ARAP3: variants seen among roughly 807,000 people sequenced by gnomAD.
ARAP3 encodes the protein ArfGAP with RhoGAP domain, ankyrin repeat and PH domain 3.
ARAP3 carries 82 observed loss-of-function variants against 169.2 expected under a neutral mutation model. The ratio of observed to expected loss-of-function variants is 0.48; its 90% CI spans 0.41 to 0.58. ARAP3 has a LOEUF of 0.58. Among genes scored for constraint, ARAP3 ranks in the 20% least tolerant of loss-of-function variants. The pLI is 0.00. For missense variants in ARAP3, 1,764 were observed against 2,018.0 expected, an observed-to-expected ratio of 0.87 and a Z score of 2.41; for synonymous variants, 791 against 800.3, an observed-to-expected ratio of 0.99 and a Z score of 0.20.
chr5:141,670,747 C>T (rs1449162051), intron 13 of ARAP3, 119 bp from the exon 14 acceptor site: 4 of 788,264 alleles, frequency 5.1e-6, no homozygotes, highest in Non-Finnish European at 8.6e-6. Flanking sequence ...CCAGCACAGC[C>T]AAGTAGAGCC....
chr5:141,673,648 T>C lies in ARAP3; in HGVS notation c.859A>G (p.Thr287Ala), dbSNP rs2099911750. ...ASFSFTADRL[T>A]PLLSGWLDKL... ...TCTAGCCAGCCACTGAGCAGGGGCG[T>C]GAGGCGGTCTGCCGTGAAGGAGAAG... The change falls in exon 5 of 33, where the codon ACG (threonine) becomes GCG (alanine). Residue 287 changes from threonine (T) to alanine (A), a missense_variant. Thr to Ala is a moderately conservative substitution (Grantham distance 58). Coordinates refer to ENST00000239440, the MANE Select transcript of ARAP3 (RefSeq NM_022481.6). 1.2e-6 allele frequency: 2 copies of C among 1,613,978 alleles called. No individual in the cohort carries two copies. The highest frequency in any genetic ancestry group is 1.7e-6 in the Non-Finnish European group (2 of 1,180,032).
rs377450993 is a variant in ARAP3 at position 141,669,779 on chromosome 5, C to A, written c.2282G>T (p.Gly761Val). Reference protein sequence around the residue: ...FPFSFELILAGGRIQHFGTDG... With the variant: ...FPFSFELILAVGRIQHFGTDG... Reference sequence around the variant, plus strand: ...TGTGCCAAAATGCTGGATCCTCCCCCCAGCGAGGATGAGCTCAAAGGAAAA... The same window carrying A: ...TGTGCCAAAATGCTGGATCCTCCCCACAGCGAGGATGAGCTCAAAGGAAAA... Residue 761 changes from glycine to valine, a missense_variant, in exon 16 of 33, where the codon GGG becomes GTG. Transcript: ENST00000239440. 3.7e-6 allele frequency: 6 copies of A among 1,614,116 alleles called. No individual in the cohort carries two copies. The highest frequency in any genetic ancestry group is 1.3e-5 in the African/African-American group (1 of 75,024).
In ARAP3 at chr5:141,656,629, G is replaced by T. The variant is rs183837890; in HGVS notation, c.3664C>A (p.Arg1222Ser). 2.2e-5 allele frequency: 36 copies of T among 1,613,430 alleles called. No individual in the cohort carries two copies. Among genetic ancestry groups the T allele is most frequent in the Non-Finnish European group, 3.1e-5 (36 of 1,179,794 alleles). The change falls in exon 27 of 33, where the codon CGT becomes AGT. Residue 1222 changes from arginine (R) to serine (S), a missense_variant. This residue lies in a region of ARAP3 where 1,112 missense variants were observed against 1,285.7 expected (regional missense o/e 0.86). Transcript: ENST00000239440. ...QAGCLFTGIRRESPRVGLLRC... is the reference protein window; with the variant it reads ...QAGCLFTGIRSESPRVGLLRC... ...AACAGCCCCACCCGTGGGCTCTCAC[G>T]TCGGATACCTGGGCATAGATGGGCA...
chr5:141,670,535 G>A lies in ARAP3; in HGVS notation c.2084C>T (p.Ser695Leu). ...CSPVSNKAGP[S>L]PPRRGRDAPP... The stretch of plus-strand genomic sequence containing the variant: ...ACCATCCCGGCCCCTGCGAGGGGGT[G>A]AGGGTCCAGCTTTGTTGCTGACGGG... The change falls in exon 14 of 33, where the codon TCA becomes TTA. Residue 695 changes from serine to leucine, a missense_variant. By Grantham distance (145) the Ser-to-Leu change is moderately radical. Around this residue, in one of 3 missense-constraint regions of ARAP3, gnomAD observed 1,112 missense variants for 1,285.7 expected, o/e 0.86. Coordinates refer to ENST00000239440, the MANE Select transcript of ARAP3 (RefSeq NM_022481.6). The A allele has an allele frequency of 1.2e-6, 2 of 1,614,040 alleles. No individual in the cohort carries two copies. Among genetic ancestry groups the A allele is most frequent in the South Asian group, 1.1e-5 (1 of 91,084 alleles).
chr5:141,670,618 A>AGG lies in ARAP3; in HGVS notation c.1999_2000dup (p.Gly668LeufsTer74). 2 of 1,613,664 alleles carry AGG rather than the reference A, an allele frequency of 1.2e-6. No homozygotes were observed. The highest frequency in any genetic ancestry group is 1.7e-6 in the Non-Finnish European group (2 of 1,179,630). ...GCACCACCACCTCATTGTACACACCAGGGGAGGGGTCTGCAAGGGGAAGGG... is the reference window on the plus strand; with the variant it reads ...GCACCACCACCTCATTGTACACACCAGGGGGGAGGGGTCTGCAAGGGGAAGGG... On this transcript the variant is annotated frameshift_variant, in exon 14 of 33. Coordinates refer to ENST00000239440, the MANE Select transcript of ARAP3 (RefSeq NM_022481.6). LOFTEE classifies it high-confidence loss of function.
At chr5:141,662,332 C>T (rs1415316699) in intron 19 of ARAP3, 77 bp from the exon 20 acceptor site, 18 of 1,441,238 alleles carry the variant, frequency 1.2e-5, no homozygotes, top group Non-Finnish European at 1.7e-5. Context: ...TGTGGCCTCC[C>T]TATGTGGTAT....
At chr5:141,656,455 C>G (rs751579549) in intron 27 of ARAP3, 49 bp downstream of exon 27, 1 of 1,595,218 alleles carries the variant, frequency 6.3e-7, no homozygotes, top group East Asian at 2.3e-5. Flanking sequence ...AGTCATGGCT[C>G]CTCTCCATGG....
rs3075597 is a variant in ARAP3 at position 141,655,182 on chromosome 5, T to TACACACACACACACACAC, written c.4149+162_4149+179dup. On this transcript the variant is annotated intron_variant, in intron 32 of 32. Coordinates refer to ENST00000239440, the MANE Select transcript of ARAP3 (RefSeq NM_022481.6). ...CACACACACACACACCCTGATGGCC[T>TACACACACACACACACAC]ACACACACACACACACACACACACA... 6.7e-4 allele frequency among the ~76,000 whole-genome samples: 64 copies of TACACACACACACACACAC among 95,550 alleles called. 2 individuals are homozygous for TACACACACACACACACAC. Among genetic ancestry groups the TACACACACACACACACAC allele is most frequent in the Admixed American group, 1.6e-3 (14 of 8,704 alleles). The allele number at this position is 95,550 out of a possible 152,430, so 62.7% of individuals were successfully genotyped here.
At chr5:141,666,969 C>T (rs981308484) in intron 16 of ARAP3, among the ~76,000 whole-genome samples, 2 of 152,110 alleles carry the variant, frequency 1.3e-5, no homozygotes, top group Non-Finnish European at 2.9e-5. Context: ...TGTGCAGTGC[C>T]GTGATCATGG....
chr5:141,673,292 G>A, intron 6 of ARAP3, 109 bp downstream of exon 6: 1 of 1,561,954 alleles, frequency 6.4e-7, no homozygotes. Context: ...CAGTCATGCA[G>A]TCACTGCCCC....
chr5:141,670,579 G>A lies in ARAP3; in HGVS notation c.2040C>T (p.Ser680=), dbSNP rs780755037. 8.1e-6 allele frequency: 13 copies of A among 1,613,972 alleles called. No homozygotes were observed. Among genetic ancestry groups the A allele is most frequent in the Non-Finnish European group, 1.1e-5 (13 of 1,179,980 alleles). Residue 680 remains serine, a synonymous_variant, in exon 14 of 33, where the codon AGC becomes AGT. Coordinates refer to ENST00000239440, the MANE Select transcript of ARAP3 (RefSeq NM_022481.6). ...YNEVVVRATY[S]GFLYCSPVSN... ...TGACGGGACTGCAGTACAGGAAGCC[G>A]CTGTAAGTAGCACGCACCACCACCT...
Position 141,671,983 on chromosome 5 carries a change from G to A in ARAP3, c.1586-3C>T, listed in dbSNP as rs1471359494. ...AGAACCCAGGGCCCGGTGCTGACCTGTGAGGGTGTGAGGGTGTGTGAGGGT... is the reference window on the plus strand; with the variant it reads ...AGAACCCAGGGCCCGGTGCTGACCTATGAGGGTGTGAGGGTGTGTGAGGGT... On this transcript the variant is annotated splice_region_variant and splice_polypyrimidine_tract_variant and intron_variant, in intron 10 of 32. Transcript: ENST00000239440. The surrounding 1 kb of genome is among the most constrained non-coding windows in gnomAD (Gnocchi z 4.9). 6.2e-7 allele frequency: 1 copy of A among 1,613,996 alleles called. No homozygotes were observed. The highest frequency in any genetic ancestry group is 1.7e-5 in the Admixed American group (1 of 60,022).
chr5:141,670,363 G>A (rs953560534), intron 14 of ARAP3, 149 bp downstream of exon 14: 12 of 884,372 alleles, frequency 1.4e-5, no homozygotes, highest in Non-Finnish European at 2.0e-5. Context: ...CACTTGGCAT[G>A]GTCCCTCTCT....
At chr5:141,665,963 G>A (rs1337827941) in intron 17 of ARAP3, among the ~76,000 whole-genome samples, 2 of 150,810 alleles carry the variant, frequency 1.3e-5, no homozygotes, top group Non-Finnish European at 1.5e-5. Context: ...CCTGGGAGGC[G>A]GAGGTTGCAG....
At position 141,655,637 on chromosome 5, in the gene ARAP3, G is replaced by A. The variant is rs2099909178; in HGVS notation, c.4094C>T (p.Ser1365Phe). 1.1e-5 allele frequency: 17 copies of A among 1,614,088 alleles called. No individual in the cohort carries two copies. Among genetic ancestry groups the A allele is most frequent in the Non-Finnish European group, 1.2e-5 (14 of 1,179,966 alleles). The change falls in exon 31 of 33, where the codon TCT becomes TTT. Residue 1365 changes from serine to phenylalanine, a missense_variant. Physicochemically the swap from Ser to Phe is radical, Grantham distance 155. This residue lies in a region of ARAP3 where 1,112 missense variants were observed against 1,285.7 expected (regional missense o/e 0.86). Transcript: ENST00000239440. Reference protein sequence around the residue: ...RGDDSGATLLSANQTLRRLHN... With the variant: ...RGDDSGATLLFANQTLRRLHN... ...GTGCCTTACCAGGGTCTGATTGGCA[G>A]AGAGGAGGGTGGCTCCACTGTCATC...
chr5:141,681,717 C>A (rs772119448), intron 1 of ARAP3, among the ~76,000 whole-genome samples: 3 of 152,226 alleles, frequency 2.0e-5, no homozygotes, highest in Non-Finnish European at 2.9e-5. Context: ...TTTCTGTCTT[C>A]CGCCTCGGCC....
intron 15 of ARAP3, 26 bp from the exon 16 acceptor site, chr5:141,669,837 G>C (rs2099911190): frequency 1.2e-6 from 2 of 1,613,566 alleles, no homozygotes; most frequent in Non-Finnish European, 8.5e-7. Context: ...GGTCAGGGAG[G>C]AGGATGGGAC....
In ARAP3 at chr5:141,655,974, C is replaced by T. The variant is rs368314680; in HGVS notation, c.3909-42G>A. On this transcript the variant is annotated intron_variant, in intron 29 of 32. Coordinates refer to ENST00000239440, the MANE Select transcript of ARAP3 (RefSeq NM_022481.6). The stretch of plus-strand genomic sequence containing the variant: ...GGAATCAGAGGGAGAGAGAGGGTCA[C>T]AGCTATAGGAATGGAGCATACAAAG... The T allele has an allele frequency of 1.8e-4, 298 of 1,613,612 alleles. No individual in the cohort carries two copies. The Middle Eastern group carries it at 7.2e-3, about 39-fold the overall frequency.
intron 16 of ARAP3, among the ~76,000 whole-genome samples, chr5:141,669,019 C>T (rs1204823207): frequency 6.6e-6 from 1 of 152,184 alleles, no homozygotes; most frequent in Non-Finnish European, 1.5e-5. Flanking sequence ...TCGTCATCAT[C>T]GTCATCATCA....
Sources: gnomAD v4.1 joint callset for allele counts (sites outside exome capture counted in the v4.1 genomes callset) on GRCh38, gnomAD v4.1.1 for gene constraint, gnomAD v4.1.1 regional missense constraint, Gnocchi (gnomAD v3.1) non-coding constraint, MANE v1.5 for transcripts, NCBI Gene and HGNC (gene_info 2026-07-23, HGNC 2026-07-21) for gene names.